The following UQCC6 variants were observed in gnomAD, a reference collection of about 807,000 sequenced individuals.
UQCC6 encodes the protein protein BRAWNIN.
the UQCC6 span, among the ~76,000 whole-genome samples, chr12:103,962,230 A>T: frequency 5.9e-5 from 9 of 152,304 alleles, no homozygotes; most frequent in African/African-American, 2.2e-4. Context: ...CAAGTCCTTT[A>T]TCAGATATGA....
chr12:103,955,072 T>C, the UQCC6 span: 1 of 631,722 alleles, frequency 1.6e-6, no homozygotes, highest in Non-Finnish European at 2.9e-6. Context: ...CCCAGCACTT[T>C]GGGAGGCAGA....
the UQCC6 span, among the ~76,000 whole-genome samples, chr12:103,964,855 C>T: frequency 6.6e-6 from 1 of 152,108 alleles, no homozygotes; most frequent in East Asian, 1.9e-4. Flanking sequence ...CTGTTTTAAA[C>T]GTTTCACTCA....
the UQCC6 span, among the ~76,000 whole-genome samples, chr12:103,962,215 G>A: frequency 7.7e-3 from 1,164 of 151,992 alleles, 18 homozygotes; most frequent in African/African-American, 0.025. Context: ...TATATGTTCT[G>A]GACACAAGTC....
the UQCC6 span, chr12:103,954,652 A>G: frequency 0.37 from 135,450 of 370,340 alleles, 26,868 homozygotes; most frequent in African/African-American, 0.57. Context: ...AATTTGGAGG[A>G]GACAAATATC....
chr12:103,957,163 A>G, the UQCC6 span: 1 of 158,644 alleles, frequency 6.3e-6, no homozygotes, highest in East Asian at 1.9e-4. Context: ...GATGCTGGGC[A>G]ACAGGTCTAA....
the UQCC6 span, among the ~76,000 whole-genome samples, chr12:103,964,897 T>G: frequency 7.9e-5 from 12 of 152,234 alleles, no homozygotes; most frequent in Admixed American, 5.2e-4. Flanking sequence ...TACAAAAATC[T>G]TTCTGTATTT....
chr12:103,955,281 C>T, the UQCC6 span, among the ~76,000 whole-genome samples: 1 of 152,040 alleles, frequency 6.6e-6, no homozygotes, highest in Admixed American at 6.6e-5. Flanking sequence ...TGTGCCACTG[C>T]ACTCCAGCCT....
At chr12:103,960,136 G>A in the UQCC6 span, among the ~76,000 whole-genome samples, 1 of 151,950 alleles carries the variant, frequency 6.6e-6, no homozygotes, top group African/African-American at 2.4e-5. Context: ...CGCCCAGGAT[G>A]GAGTGTAGTG....
chr12:103,953,787 G>A, the UQCC6 span: 1 of 540,924 alleles, frequency 1.8e-6, no homozygotes, highest in Admixed American at 3.1e-5. Flanking sequence ...CAAGGTACAG[G>A]TAGCTGCTGT....
the UQCC6 span, among the ~76,000 whole-genome samples, chr12:103,963,036 A>C: frequency 2.0e-5 from 3 of 150,080 alleles, no homozygotes; most frequent in Non-Finnish European, 4.4e-5. Flanking sequence ...ATTCTGTTGC[A>C]CTGATATATA....
the UQCC6 span, among the ~76,000 whole-genome samples, chr12:103,961,807 G>A: frequency 6.6e-6 from 1 of 152,102 alleles, no homozygotes; most frequent in African/African-American, 2.4e-5. Context: ...TGATCCACAT[G>A]CCTCGGCCTC....
the UQCC6 span, chr12:103,955,700 T>C: frequency 3.3e-5 from 15 of 450,538 alleles, no homozygotes; most frequent in South Asian, 2.2e-4. Flanking sequence ...TCTCTGAAAG[T>C]GTTACCTGTC....
At chr12:103,961,319 G>A in the UQCC6 span, among the ~76,000 whole-genome samples, 2 of 152,136 alleles carry the variant, frequency 1.3e-5, no homozygotes. Context: ...AGTCTATAAA[G>A]TTACAGAAAG....
chr12:103,965,061 C>T, the UQCC6 span, among the ~76,000 whole-genome samples: 1 of 152,134 alleles, frequency 6.6e-6, no homozygotes, highest in African/African-American at 2.4e-5. Context: ...TGAATAAACT[C>T]AGGAAAGCCA....
At chr12:103,955,086 G>A in the UQCC6 span, 12 of 610,308 alleles carry the variant, frequency 2.0e-5, no homozygotes, top group Admixed American at 7.3e-5. Flanking sequence ...AGGCAGAGGC[G>A]GGCGGATCAC....
At chr12:103,955,423 A>G in the UQCC6 span, among the ~76,000 whole-genome samples, 4 of 152,176 alleles carry the variant, frequency 2.6e-5, no homozygotes, top group African/African-American at 9.7e-5. Context: ...GACTACTTGA[A>G]GCCAGGAGTT....
At chr12:103,956,335 C>T in the UQCC6 span, 1 of 267,146 alleles carries the variant, frequency 3.7e-6, no homozygotes, top group Admixed American at 4.9e-5. Flanking sequence ...TGAATGTTAA[C>T]AGGGGAAAGA....
At chr12:103,962,785 C>A in the UQCC6 span, among the ~76,000 whole-genome samples, 1 of 152,224 alleles carries the variant, frequency 6.6e-6, no homozygotes, top group South Asian at 2.1e-4. Context: ...TATGGGGCAG[C>A]CTTGCTCTGC....
the UQCC6 span, among the ~76,000 whole-genome samples, chr12:103,962,164 A>G: frequency 6.6e-6 from 1 of 152,192 alleles, no homozygotes; most frequent in East Asian, 1.9e-4. Context: ...TTGCTCATTT[A>G]TAAAACTGAG....
Sources: gnomAD v4.1 joint callset for allele counts (sites outside exome capture counted in the v4.1 genomes callset) on GRCh38, gnomAD v4.1.1 for gene constraint, MANE v1.5 for transcripts, NCBI Gene and HGNC (gene_info 2026-07-23, HGNC 2026-07-21) for gene names.